SLC33A1: variants seen among roughly 807,000 people sequenced by gnomAD.
SLC33A1 encodes the protein acetyl-coenzyme A transporter 1.
Under a neutral mutation model 50.0 loss-of-function variants are expected in SLC33A1, and 20 were observed. The observed-to-expected ratio is 0.40, with a 90% CI of 0.28 to 0.58. SLC33A1 has a LOEUF of 0.58. Among genes scored for constraint, SLC33A1 ranks in the 20% least tolerant of loss-of-function variants. The probability of loss-of-function intolerance (pLI) is 0.44; values close to 1 mark genes in which losing one functional copy is unlikely to be tolerated. For missense variants in SLC33A1, 476 were observed against 657.0 expected, an observed-to-expected ratio of 0.72 and a Z score of 3.01; for synonymous variants, 265 against 251.8, an observed-to-expected ratio of 1.05 and a Z score of -0.50.
intron 1 of SLC33A1, among the ~76,000 whole-genome samples, chr3:155,845,575 C>T (rs1046759961): frequency 1.3e-5 from 2 of 152,142 alleles, no homozygotes; most frequent in African/African-American, 4.8e-5. Context: ...TCACAAAGCC[C>T]TAATTCAAAG....
rs15594 is a variant in SLC33A1 at position 155,853,248 on chromosome 3, T to C, written c.750A>G (p.Gln250=). The C allele has an allele frequency of 1.2e-4, 193 of 1,613,898 alleles. No individual in the cohort carries two copies. Among genetic ancestry groups the C allele is most frequent in the Non-Finnish European group, 1.5e-4 (177 of 1,179,964 alleles). Residue 250 remains glutamine (Q), a synonymous_variant, in exon 1 of 6, where the codon CAA becomes CAG. Transcript: ENST00000643144. The part of the protein sequence containing the change: ...FCNKYLRFQP[Q]PRGIVTLSDF... ...CTGAAAGAGTAACGATTCCTCTGGG[T>C]TGAGGCTGAAACCGCAAATATTTGT...
intron 1 of SLC33A1, among the ~76,000 whole-genome samples, chr3:155,850,803 G>T (rs1362179652): frequency 6.6e-6 from 1 of 151,594 alleles, no homozygotes; most frequent in African/African-American, 2.4e-5. Context: ...TTTTAATAGA[G>T]AAGGGGTTTT....
chr3:155,829,628 A>T, intron 5 of SLC33A1, 60 bp downstream of exon 5: 1 of 1,204,996 alleles, frequency 8.3e-7, no homozygotes, highest in Non-Finnish European at 1.2e-6. Context: ...CTAGAGACAA[A>T]ACAAAGATAT....
chr3:155,833,429 A>G, intron 4 of SLC33A1, 39 bp downstream of exon 4: 1 of 949,758 alleles, frequency 1.1e-6, no homozygotes, highest in Non-Finnish European at 1.7e-6. Context: ...TATTTTACAC[A>G]GAACAGTTTA....
rs1327616364 is a variant in SLC33A1, at chr3:155,844,208, C to T, written c.776-1589G>A. Among the ~76,000 whole-genome samples the T allele has an allele frequency of 2.6e-5, 4 of 152,010 alleles. No individual in the cohort carries two copies. In the East Asian group the frequency reaches 5.8e-4, roughly 22 times the overall value. ...ATTTCGCCTTGGTATTTAAATATTC[C>T]TTTCTTATATGTTATCTCATTTGAT... On this transcript the variant is annotated intron_variant, in intron 1 of 5. Coordinates refer to ENST00000643144, the MANE Select transcript of SLC33A1 (RefSeq NM_004733.4).
At chr3:155,845,294 A>G (rs1438968557) in intron 1 of SLC33A1, among the ~76,000 whole-genome samples, 1 of 152,328 alleles carries the variant, frequency 6.6e-6, no homozygotes, top group East Asian at 1.9e-4. Flanking sequence ...AAGAAACTAC[A>G]CAGGTTTCAG....
At chr3:155,835,976 ATTTTT>A (rs112170282) in intron 2 of SLC33A1, among the ~76,000 whole-genome samples, 1 of 146,770 alleles carries the variant, frequency 6.8e-6, no homozygotes, top group Admixed American at 6.8e-5. Flanking sequence ...ATATCACACA[ATTTTT>A]TTTTTTTTAA....
At position 155,853,337 on chromosome 3, in the gene SLC33A1, G is replaced by C; in HGVS notation, c.661C>G (p.Gln221Glu). The C allele has an allele frequency of 6.2e-7, 1 of 1,614,004 alleles. No individual in the cohort carries two copies. Residue 221 changes from glutamine (Q) to glutamate (E), a missense_variant, in exon 1 of 6, where the codon CAA (glutamine) becomes GAA (glutamate). Transcript: ENST00000643144. ...TTGCCCAAAAAGTAACCCGCTGTTT[G>C]GCCCACCGAATTGCAAGTAGAAGCA... The part of the protein sequence containing the change: ...GYASTCNSVG[Q>E]TAGYFLGNVL...
At chr3:155,831,457 CAAAA>C (rs397991448) in intron 4 of SLC33A1, among the ~76,000 whole-genome samples, 1,297 of 46,352 alleles carry the variant, frequency 0.028, 4 homozygotes, top group African/African-American at 0.073. Flanking sequence ...GACTCTGTCT[CAAAA>C]AAAAAAAAAA....
chr3:155,854,404 T>G lies in SLC33A1; in HGVS notation c.-407A>C, dbSNP rs777332740. On this transcript the variant is annotated 5_prime_UTR_variant, in exon 1 of 6. Transcript: ENST00000643144. ...TATCAATGCGGCAGAGAGCACTTTC[T>G]CTACAGGACTCCAGAAAAAGCATAT... The G allele has an allele frequency of 5.9e-6, 1 of 169,386 alleles. No homozygotes were observed. Among genetic ancestry groups the G allele is most frequent in the Non-Finnish European group, 1.3e-5 (1 of 79,552 alleles). The allele number at this position is 169,386 out of a possible 1,614,324, so 10.5% of individuals were successfully genotyped here.
Position 155,826,528 on chromosome 3 carries a change from A to C in SLC33A1, c.*1682T>G, listed in dbSNP as rs796530224. ...AAAACACATTTCATATGTAAGAGTT[A>C]AGTGGTTTTTTTTCTTTATTCAAGT... is the stretch of plus-strand genomic sequence containing the variant. On this transcript the variant is annotated 3_prime_UTR_variant, in exon 6 of 6. Coordinates refer to ENST00000643144, the MANE Select transcript of SLC33A1 (RefSeq NM_004733.4). 4 of 150,732 alleles carry C rather than the reference A, an allele frequency of 2.7e-5. No homozygotes were observed. Among genetic ancestry groups the C allele is most frequent in the African/African-American group, 9.6e-5 (4 of 41,498 alleles). 9.3% of individuals were successfully genotyped at this position (150,732 alleles called of 1,614,324 possible).
At chr3:155,832,122 A>C (rs376537751) in intron 4 of SLC33A1, among the ~76,000 whole-genome samples, 1 of 152,220 alleles carries the variant, frequency 6.6e-6, no homozygotes, top group African/African-American at 2.4e-5. Context: ...TCATGCCTGT[A>C]ATCCCAGCAC....
chr3:155,833,126 G>A (rs1047404590), intron 4 of SLC33A1, among the ~76,000 whole-genome samples: 3 of 152,062 alleles, frequency 2.0e-5, no homozygotes, highest in Non-Finnish European at 4.4e-5. Flanking sequence ...GCACGTGCCT[G>A]TAATCCTAGC....
intron 1 of SLC33A1, among the ~76,000 whole-genome samples, chr3:155,850,939 T>C (rs1051791577): frequency 6.6e-6 from 1 of 151,540 alleles, no homozygotes; most frequent in African/African-American, 2.4e-5. Context: ...TTTAATTTTA[T>C]TTTTAATTAA....
intron 1 of SLC33A1, among the ~76,000 whole-genome samples, chr3:155,847,748 CAAAAAATAAATA>C (rs1321180380): frequency 2.3e-5 from 3 of 132,146 alleles, no homozygotes; most frequent in Non-Finnish European, 4.5e-5. Context: ...AACTCCGTCT[CAAAAAATAAATA>C]AATAAATAAA....
Position 155,821,695 on chromosome 3 carries a change from A to T in SLC33A1, c.*6515T>A, listed in dbSNP as rs1029704683. 2.0e-5 allele frequency: 3 copies of T among 150,344 alleles called. No individual in the cohort carries two copies. Among genetic ancestry groups the T allele is most frequent in the African/African-American group, 7.4e-5 (3 of 40,794 alleles). 9.3% of individuals were successfully genotyped at this position (150,344 alleles called of 1,614,324 possible). ...GGGTCAGGCCGGTCTTCAACTCCTG[A>T]CCTCAAGTGATCTGCCTGCCTTGGC... On this transcript the variant is annotated 3_prime_UTR_variant, in exon 6 of 6. Transcript: ENST00000643144.
intron 1 of SLC33A1, among the ~76,000 whole-genome samples, chr3:155,849,909 GAATAATAATAATAATAATAATAAT>G (rs71138683): frequency 2.2e-5 from 3 of 133,998 alleles, no homozygotes; most frequent in African/African-American, 5.3e-5. Context: ...CTCCATCTCA[GAATAATAATAATAATAATAATAAT>G]AATAATAATA....
chr3:155,848,046 G>C (rs902388215), intron 1 of SLC33A1, among the ~76,000 whole-genome samples: 5 of 152,128 alleles, frequency 3.3e-5, no homozygotes. Context: ...TGCTAGAGGA[G>C]AGGGCCTCAA....
chr3:155,840,944 C>T (rs1230773630), intron 2 of SLC33A1, among the ~76,000 whole-genome samples: 3 of 152,064 alleles, frequency 2.0e-5, no homozygotes, highest in Admixed American at 2.0e-4. Context: ...GAGATTGTGC[C>T]ACTGCTCCCA....
Sources: gnomAD v4.1 joint callset for allele counts (sites outside exome capture counted in the v4.1 genomes callset) on GRCh38, gnomAD v4.1.1 for gene constraint, MANE v1.5 for transcripts, NCBI Gene and HGNC (gene_info 2026-07-23, HGNC 2026-07-21) for gene names.